Variants in SLC47A1 observed in about 807,000 individuals in gnomAD.
SLC47A1 encodes the protein solute carrier family 47 member 1, also known as multidrug and toxin extrusion protein 1.
A neutral mutation model predicts 65.8 loss-of-function variants in SLC47A1; 58 were observed. The observed-to-expected ratio is 0.88, with a 90% CI of 0.71 to 1.10. SLC47A1 has a LOEUF of 1.10. SLC47A1 is among the 50% of genes least tolerant of loss of function. The pLI, the probability that SLC47A1 is intolerant of heterozygous loss-of-function variation, is 0.00. For missense variants in SLC47A1, 706 were observed against 719.2 expected, an observed-to-expected ratio of 0.98 and a Z score of 0.21; for synonymous variants, 285 against 295.0, an observed-to-expected ratio of 0.97 and a Z score of 0.35.
At chr17:19,553,717 T>C (rs1916520168) in intron 6 of SLC47A1, among the ~76,000 whole-genome samples, 1 of 152,046 alleles carries the variant, frequency 6.6e-6, no homozygotes, top group South Asian at 2.1e-4. Flanking sequence ...AGTTTTTGTA[T>C]TTTTAGTAGA....
rs560948768 is a variant in SLC47A1 at position 19,555,367 on chromosome 17, A to C, written c.641+58A>C. 1.6e-5 allele frequency: 25 copies of C among 1,571,758 alleles called. No individual in the cohort carries two copies. In the East Asian group the frequency reaches 5.6e-4, roughly 35 times the overall value. On this transcript the variant is annotated intron_variant, in intron 7 of 16. Coordinates refer to ENST00000270570, the MANE Select transcript of SLC47A1 (RefSeq NM_018242.3). ...GGGATGACTTGCATGTGGTTTTTCCAGGAGGGAGAAGAGTGGGCTCTTCAG... is the reference window on the plus strand; with the variant it reads ...GGGATGACTTGCATGTGGTTTTTCCCGGAGGGAGAAGAGTGGGCTCTTCAG...
chr17:19,574,684 G>T (rs2084425025), intron 16 of SLC47A1, among the ~76,000 whole-genome samples: 1 of 152,174 alleles, frequency 6.6e-6, no homozygotes, highest in African/African-American at 2.4e-5. Context: ...AGGCTGGAGT[G>T]CAGTGGCTCG....
chr17:19,571,384 G>T, intron 14 of SLC47A1, 94 bp from the exon 15 acceptor site: 2 of 1,048,658 alleles, frequency 1.9e-6, no homozygotes, highest in East Asian at 2.4e-5. Flanking sequence ...CAGATATTCA[G>T]TATGGCTGAC....
intron 2 of SLC47A1, among the ~76,000 whole-genome samples, chr17:19,545,198 A>T (rs543394834): frequency 2.3e-4 from 35 of 151,698 alleles, no homozygotes; most frequent in African/African-American, 7.5e-4. Flanking sequence ...CTTAATAAAA[A>T]ATTTTTTTTT....
At chr17:19,539,622 T>C (rs1376240792) in intron 1 of SLC47A1, among the ~76,000 whole-genome samples, 1 of 152,036 alleles carries the variant, frequency 6.6e-6, no homozygotes, top group African/African-American at 2.4e-5. Flanking sequence ...GTAGCTGGGA[T>C]TACAGGTGTG....
At chr17:19,538,138 G>A (rs767899412) in intron 1 of SLC47A1, among the ~76,000 whole-genome samples, 7 of 152,230 alleles carry the variant, frequency 4.6e-5, no homozygotes, top group Non-Finnish European at 5.9e-5. Flanking sequence ...CACGGATTGC[G>A]AGAGTCCTGA....
At chr17:19,566,556 G>C (rs374237694) in intron 12 of SLC47A1, among the ~76,000 whole-genome samples, 2 of 152,052 alleles carry the variant, frequency 1.3e-5, no homozygotes, top group African/African-American at 4.8e-5. Flanking sequence ...CTCCTGAGTA[G>C]CTGGGATTAC....
At chr17:19,545,220 A>T (rs2152312904) in intron 2 of SLC47A1, among the ~76,000 whole-genome samples, 1 of 150,568 alleles carries the variant, frequency 6.6e-6, no homozygotes, top group Non-Finnish European at 1.5e-5. Context: ...TTTGAGATGG[A>T]GTCTTGTTCT....
chr17:19,578,265 G>T lies in SLC47A1; in HGVS notation c.*712G>T, dbSNP rs940977953. 2 of 340,344 alleles carry T rather than the reference G, an allele frequency of 5.9e-6. No individual in the cohort carries two copies. The highest frequency in any genetic ancestry group is 3.9e-4 in the Middle Eastern group (1 of 2,568). 21.1% of individuals were successfully genotyped at this position (340,344 alleles called of 1,614,324 possible). A position where few individuals can be genotyped will look rare whatever the true frequency, so the allele number is the denominator to read the frequency against. On this transcript the variant is annotated 3_prime_UTR_variant, in exon 17 of 17. Coordinates refer to ENST00000270570, the MANE Select transcript of SLC47A1 (RefSeq NM_018242.3). Reference sequence around the variant, plus strand: ...CAAAGACTGATAATTCCTGGTAGGGGTGTGTGCGTGACGTACTGCAGCCTC... The same window carrying T: ...CAAAGACTGATAATTCCTGGTAGGGTTGTGTGCGTGACGTACTGCAGCCTC...
chr17:19,534,226 A>C, intron 1 of SLC47A1, 152 bp downstream of exon 1: 2 of 1,001,994 alleles, frequency 2.0e-6, no homozygotes, highest in Non-Finnish European at 2.7e-6. Flanking sequence ...CCGGGCGGGC[A>C]CCCCAGCTCC....
intron 1 of SLC47A1, among the ~76,000 whole-genome samples, chr17:19,541,402 G>A (rs992620791): frequency 6.6e-6 from 1 of 152,212 alleles, no homozygotes; most frequent in Non-Finnish European, 1.5e-5. Flanking sequence ...CCTGGGTCTA[G>A]TGGGTGGGGG....
At position 19,578,454 on chromosome 17, in the gene SLC47A1, C is replaced by A; in HGVS notation, c.*901C>A. Reference sequence around the variant, plus strand: ...CAAGCAATCCTTCCACCTTGCCCTCCCAAAGTGTTGGGATTATAGGCATGA... The same window carrying A: ...CAAGCAATCCTTCCACCTTGCCCTCACAAAGTGTTGGGATTATAGGCATGA... On this transcript the variant is annotated 3_prime_UTR_variant, in exon 17 of 17. Transcript: ENST00000270570. 1 of 180,810 alleles carries A rather than the reference C, an allele frequency of 5.5e-6. No homozygotes were observed. Among genetic ancestry groups the A allele is most frequent in the African/African-American group, 2.4e-5 (1 of 41,812 alleles). 11.2% of individuals were successfully genotyped at this position (180,810 alleles called of 1,614,324 possible).
At chr17:19,568,178 C>T (rs2084374677) in intron 14 of SLC47A1, 1 of 152,142 alleles carries the variant, frequency 6.6e-6, no homozygotes, top group Non-Finnish European at 1.5e-5. Flanking sequence ...GGTGAGAAGT[C>T]AACTGATACC....
intron 12 of SLC47A1, among the ~76,000 whole-genome samples, chr17:19,565,517 T>C (rs984754413): frequency 2.6e-5 from 4 of 152,024 alleles, no homozygotes; most frequent in African/African-American, 9.7e-5. Context: ...GTAACCCCTC[T>C]TTATCCTTGG....
Position 19,560,249 on chromosome 17 carries a change from A to C in SLC47A1, c.983A>C (p.Asp328Ala), listed in dbSNP as rs149774861. The change falls in exon 11 of 17, where the codon GAC (aspartate) becomes GCC (alanine). Residue 328 changes from aspartate to alanine, a missense_variant. Asp to Ala is a moderately radical substitution (Grantham distance 126). Transcript: ENST00000270570. The part of the protein sequence containing the change: ...VRVGNALGAG[D>A]MEQARKSSTV... ...GTAGGAAACGCTCTGGGTGCTGGAG[A>C]CATGGAGCAGGCACGGAAGTCCTCT... 3.8e-5 allele frequency: 62 copies of C among 1,613,746 alleles called. No homozygotes were observed. The East Asian group carries it at 1.4e-3, about 36-fold the overall frequency.
chr17:19,550,412 C>T (rs1460870627), intron 5 of SLC47A1, among the ~76,000 whole-genome samples: 2 of 152,140 alleles, frequency 1.3e-5, no homozygotes, highest in East Asian at 3.9e-4. Flanking sequence ...GCCTCCCTGG[C>T]TCAAGTGATC....
At chr17:19,564,845 C>A (rs1199615244) in intron 12 of SLC47A1, among the ~76,000 whole-genome samples, 1 of 152,068 alleles carries the variant, frequency 6.6e-6, no homozygotes, top group African/African-American at 2.4e-5. Context: ...CTCAGCCTCC[C>A]GAGTAGCTGG....
rs756312668 is a variant in SLC47A1, at chr17:19,546,474, T to C, written c.277T>C (p.Ser93Pro). The change falls in exon 3 of 17, where the codon TCT becomes CCT. Residue 93 changes from serine to proline, a missense_variant. Ser to Pro is a moderately conservative substitution (Grantham distance 74). Coordinates refer to ENST00000270570, the MANE Select transcript of SLC47A1 (RefSeq NM_018242.3). ...VTGVSVGFGL[S>P]SACDTLISQT... Reference sequence around the variant, plus strand: ...TGGTGTCTCAGTGGGATTCGGCTTATCTTCTGCCTGTGACACCCTCATCTC... The same window carrying C: ...TGGTGTCTCAGTGGGATTCGGCTTACCTTCTGCCTGTGACACCCTCATCTC... 5 of 1,613,804 alleles carry C rather than the reference T, an allele frequency of 3.1e-6. No individual in the cohort carries two copies. In the African/African-American group the frequency reaches 4.0e-5, roughly 13 times the overall value.
intron 5 of SLC47A1, 50 bp downstream of exon 5, chr17:19,549,727 A>G (rs1916396193): frequency 4.4e-6 from 7 of 1,588,528 alleles, no homozygotes; most frequent in Non-Finnish European, 6.1e-6. Flanking sequence ...CGTGGGTGAA[A>G]GGTAGCCACC....
Sources: allele counts gnomAD v4.1 joint callset (sites outside exome capture counted in the v4.1 genomes callset), GRCh38; gene constraint gnomAD v4.1.1; transcripts MANE v1.5; gene names NCBI Gene and HGNC (gene_info 2026-07-23, HGNC 2026-07-21).